The following JPH3 variants were observed in gnomAD, a reference collection of about 807,000 sequenced individuals.
The protein encoded by JPH3 is junctophilin-3.
A neutral mutation model predicts 59.6 loss-of-function variants in JPH3; 11 were observed. The observed-to-expected ratio is 0.18, with a 90% CI of 0.12 to 0.31. The LOEUF is 0.31. Among genes scored for constraint, JPH3 ranks in the 10% least tolerant of loss-of-function variants. JPH3 has a pLI of 1.00. For missense variants in JPH3, 1,202 were observed against 1,105.7 expected (o/e 1.09, Z -1.24); for synonymous variants, 673 against 483.6 (o/e 1.39, Z -5.14).
Position 87,635,623 on chromosome 16 carries a change from G to C in JPH3, c.383-8635G>C, listed in dbSNP as rs1048613550. Among the ~76,000 whole-genome samples the C allele has an allele frequency of 3.3e-5, 5 of 152,248 alleles. No individual in the cohort carries two copies. In the South Asian group the frequency reaches 1.0e-3, roughly 31 times the overall value. On this transcript the variant is annotated intron_variant, in intron 1 of 4. Coordinates refer to ENST00000284262, the MANE Select transcript of JPH3 (RefSeq NM_020655.4). Reference sequence around the variant, plus strand: ...CAGGCCATGCCAGCCTGGCAGAACAGGAAGGGAGGGGTACAGCCCTGTGGG... The same window carrying C: ...CAGGCCATGCCAGCCTGGCAGAACACGAAGGGAGGGGTACAGCCCTGTGGG...
intron 3 of JPH3, chr16:87,684,486 C>T (rs1481659217): frequency 3.1e-6 from 2 of 637,706 alleles, no homozygotes; most frequent in African/African-American, 1.8e-5. Context: ...TGGCAGGTCT[C>T]TCCCATTCCC....
intron 4 of JPH3, chr16:87,694,025 G>A (rs954426517): frequency 2.0e-5 from 3 of 152,266 alleles, no homozygotes; most frequent in Non-Finnish European, 4.4e-5. Context: ...TGCCAACGCA[G>A]GAGTGGTCAG....
intron 1 of JPH3, among the ~76,000 whole-genome samples, chr16:87,632,202 G>A (rs59874480): frequency 0.022 from 3,290 of 152,240 alleles, 117 homozygotes; most frequent in African/African-American, 0.075. Context: ...CTGTTTGGGT[G>A]GGGTAGCAAG....
chr16:87,634,247 G>C (rs1286200388), intron 1 of JPH3, among the ~76,000 whole-genome samples: 1 of 152,168 alleles, frequency 6.6e-6, no homozygotes. Flanking sequence ...GGGTCCCAGA[G>C]GGGGCACAAC....
chr16:87,620,490 AGG>A (rs1209951773), intron 1 of JPH3, among the ~76,000 whole-genome samples: 21 of 87,330 alleles, frequency 2.4e-4, no homozygotes, highest in Middle Eastern at 7.9e-3. Flanking sequence ...AGAGAGGGAG[AGG>A]GGGAGGGGAA....
Position 87,684,013 on chromosome 16 carries a change from G to C in JPH3, c.1161-129G>C, listed in dbSNP as rs2033356642. On this transcript the variant is annotated intron_variant, in intron 2 of 4. Coordinates refer to ENST00000284262, the MANE Select transcript of JPH3 (RefSeq NM_020655.4). ...AACGAACAAGATCCAGAAGTCTGAGGGTAAACATGGGGTGCCAGCATCTTG... is the reference window on the plus strand; with the variant it reads ...AACGAACAAGATCCAGAAGTCTGAGCGTAAACATGGGGTGCCAGCATCTTG... The C allele has an allele frequency of 1.1e-5, 7 of 645,664 alleles. No homozygotes were observed. In the South Asian group the frequency reaches 1.3e-4, roughly 12 times the overall value. 40.0% of individuals were successfully genotyped at this position (645,664 alleles called of 1,614,324 possible).
At chr16:87,678,581 C>T (rs1295849928) in intron 2 of JPH3, among the ~76,000 whole-genome samples, 1 of 152,122 alleles carries the variant, frequency 6.6e-6, no homozygotes, top group Non-Finnish European at 1.5e-5. Flanking sequence ...TCTGTGTATA[C>T]ACACTCACAT....
chr16:87,654,817 G>C (rs186606203), intron 2 of JPH3: 8 of 152,236 alleles, frequency 5.3e-5, no homozygotes, highest in African/African-American at 1.9e-4. Flanking sequence ...TGCTGCTCCC[G>C]TGGGCTCTGA....
chr16:87,681,105 T>C (rs923742887), intron 2 of JPH3, among the ~76,000 whole-genome samples: 1 of 151,990 alleles, frequency 6.6e-6, no homozygotes, highest in Admixed American at 6.6e-5. Context: ...GTGCACACAG[T>C]GATGATAGTT....
At chr16:87,659,928 G>C (rs1183610376) in intron 2 of JPH3, among the ~76,000 whole-genome samples, 1 of 152,150 alleles carries the variant, frequency 6.6e-6, no homozygotes, top group Non-Finnish European at 1.5e-5. Flanking sequence ...AGCAGCTGCT[G>C]TCTGGAGAGG....
At chr16:87,643,432 A>G (rs2032022834) in intron 1 of JPH3, among the ~76,000 whole-genome samples, 1 of 148,582 alleles carries the variant, frequency 6.7e-6, no homozygotes, top group Non-Finnish European at 1.5e-5. Flanking sequence ...TCTGAAGGTC[A>G]TGGGCCACTG....
chr16:87,666,856 C>A (rs1040158845), intron 2 of JPH3, among the ~76,000 whole-genome samples: 4 of 152,260 alleles, frequency 2.6e-5, no homozygotes, highest in Admixed American at 2.6e-4. Flanking sequence ...AGAGGCCTAG[C>A]AGCCTGCCTC....
chr16:87,640,124 T>G (rs1297426035), intron 1 of JPH3, among the ~76,000 whole-genome samples: 1 of 151,976 alleles, frequency 6.6e-6, no homozygotes, highest in Non-Finnish European at 1.5e-5. Flanking sequence ...GTCCAGAGAT[T>G]GAGACCATCC....
intron 1 of JPH3, among the ~76,000 whole-genome samples, chr16:87,631,176 C>A (rs946302601): frequency 6.6e-6 from 1 of 152,192 alleles, no homozygotes; most frequent in South Asian, 2.1e-4. Context: ...TGATTGCCTT[C>A]TTCCCAATTC....
chr16:87,645,173 C>A (rs2032104780), intron 2 of JPH3, 138 bp downstream of exon 2: 4 of 891,782 alleles, frequency 4.5e-6, no homozygotes, highest in Admixed American at 2.9e-5. Context: ...TCAAACTATG[C>A]CCCCATGGAA....
At chr16:87,604,904 G>T in intron 1 of JPH3, 1 of 437,614 alleles carries the variant, frequency 2.3e-6, no homozygotes, top group South Asian at 1.6e-5. Flanking sequence ...GAGCAGGTTG[G>T]AGAGCTTCCC....
chr16:87,646,671 A>G (rs1990862), intron 2 of JPH3, among the ~76,000 whole-genome samples: 32,452 of 151,894 alleles, frequency 0.21, 3,681 homozygotes, highest in East Asian at 0.34. Context: ...TCTATTTTGT[A>G]TAGTTGCTTT....
chr16:87,644,743 G>A lies in JPH3; in HGVS notation c.868G>A (p.Gly290Ser). ...CGCCACCACCACCGAGACCTACGTGGGCGAGTGGAAGAACGACAAACGCTC... is the reference window on the plus strand; with the variant it reads ...CGCCACCACCACCGAGACCTACGTGAGCGAGTGGAAGAACGACAAACGCTC... ...IDATTTETYV[G>S]EWKNDKRSGF... is the part of the protein sequence containing the mutation. Residue 290 changes from glycine (G) to serine (S), a missense_variant, in exon 2 of 5, where the codon GGC (glycine) becomes AGC (serine). By Grantham distance (56) the Gly-to-Ser change is moderately conservative (BLOSUM62 0). Coordinates refer to ENST00000284262, the MANE Select transcript of JPH3 (RefSeq NM_020655.4). 6.2e-7 allele frequency: 1 copy of A among 1,613,148 alleles called. No individual in the cohort carries two copies. Among genetic ancestry groups the A allele is most frequent in the Non-Finnish European group, 8.5e-7 (1 of 1,179,914 alleles).
chr16:87,620,300 C>T (rs115042545), intron 1 of JPH3, among the ~76,000 whole-genome samples: 2,407 of 148,360 alleles, frequency 0.016, 62 homozygotes, highest in African/African-American at 0.057. Flanking sequence ...GGGGCTGCAG[C>T]GACAGTGACC....
Sources: gnomAD v4.1 joint callset for allele counts (sites outside exome capture counted in the v4.1 genomes callset) on GRCh38, gnomAD v4.1.1 for gene constraint, MANE v1.5 for transcripts, NCBI Gene and HGNC (gene_info 2026-07-23, HGNC 2026-07-21) for gene names.